Variants in CYB5D2 observed in about 807,000 individuals in gnomAD.
The protein encoded by CYB5D2 is neuferricin.
A neutral mutation model predicts 22.8 loss-of-function variants in CYB5D2; 23 were observed. The observed-to-expected ratio is 1.01, with a 90% confidence interval of 0.73 to 1.43. The LOEUF is 1.43. Among genes scored for constraint, CYB5D2 ranks in the 40% most tolerant of loss-of-function variants. The probability of loss-of-function intolerance (pLI) is 0.00; values close to 1 mark genes in which losing one functional copy is unlikely to be tolerated. For missense variants in CYB5D2, 373 were observed against 357.2 expected (o/e 1.04, Z -0.36); for synonymous variants, 170 against 152.2 (o/e 1.12, Z -0.86).
In CYB5D2 at chr17:4,157,004, T is replaced by C; in HGVS notation, c.717T>C (p.Arg239=). Reference sequence around the variant, plus strand: ...CGGACAACCCTCCACACAGAAATCGTGGGGACCTGGACCACCCAAACTTGG... The same window carrying C: ...CGGACAACCCTCCACACAGAAATCGCGGGGACCTGGACCACCCAAACTTGG... The part of the protein sequence containing the change: ...QMPDNPPHRN[R]GDLDHPNLAE... Residue 239 remains arginine (R), a synonymous_variant, in exon 4 of 4, where the codon CGT becomes CGC. Transcript: ENST00000301391. This position sits in a 1 kb window ranked among gnomAD's most constrained non-coding sequence, Gnocchi z 4.4. 1 of 1,612,796 alleles carries C rather than the reference T, an allele frequency of 6.2e-7. No homozygotes were observed. Among genetic ancestry groups the C allele is most frequent in the East Asian group, 2.2e-5 (1 of 44,862 alleles).
intron 2 of CYB5D2, among the ~76,000 whole-genome samples, chr17:4,150,304 A>G (rs1368433771): frequency 6.6e-6 from 1 of 152,146 alleles, no homozygotes; most frequent in African/African-American, 2.4e-5. Context: ...ACCATCCTTG[A>G]ACAACCAGCT....
At chr17:4,156,071 T>A (rs2059109862) in intron 3 of CYB5D2, among the ~76,000 whole-genome samples, 1 of 152,240 alleles carries the variant, frequency 6.6e-6, no homozygotes, top group Non-Finnish European at 1.5e-5. Flanking sequence ...GACAGCCTTG[T>A]TCTTGGTAAG....
At position 4,157,177 on chromosome 17, in the gene CYB5D2, G is replaced by T; in HGVS notation, c.*95G>T. The T allele has an allele frequency of 1.5e-6, 2 of 1,359,876 alleles. No individual in the cohort carries two copies. Among genetic ancestry groups the T allele is most frequent in the Non-Finnish European group, 2.0e-6 (2 of 982,922 alleles). 84.2% of individuals were successfully genotyped at this position (1,359,876 alleles called of 1,614,324 possible). ...TGTGCCCTGGGATGCCTCCTGGCGCGAATCAGGAGGGTCTGGAAGGACTCT... is the reference window on the plus strand; with the variant it reads ...TGTGCCCTGGGATGCCTCCTGGCGCTAATCAGGAGGGTCTGGAAGGACTCT... On this transcript the variant is annotated 3_prime_UTR_variant, in exon 4 of 4. Coordinates refer to ENST00000301391, the MANE Select transcript of CYB5D2 (RefSeq NM_144611.4). This position sits in a 1 kb window ranked among gnomAD's most constrained non-coding sequence, Gnocchi z 4.4.
intron 1 of CYB5D2, among the ~76,000 whole-genome samples, chr17:4,145,948 A>G (rs2058985871): frequency 6.6e-6 from 1 of 151,854 alleles, no homozygotes; most frequent in African/African-American, 2.4e-5. Flanking sequence ...ATAGGTGTGC[A>G]CCATCACGTG....
chr17:4,143,887 T>C lies in CYB5D2; in HGVS notation c.132T>C (p.Ser44=). 6.2e-7 allele frequency: 1 copy of C among 1,613,986 alleles called. No homozygotes were observed. The highest frequency in any genetic ancestry group is 8.5e-7 in the Non-Finnish European group (1 of 1,180,004). ...GCCTTTTCATACCGGAGGAGCTGTC[T>C]CGCTACCGCGGCGGCCCAGGGGACC... The part of the protein sequence containing the change: ...GFRLFIPEEL[S]RYRGGPGDPG... Residue 44 remains serine (S), a synonymous_variant, in exon 1 of 4, where the codon TCT becomes TCC. Coordinates refer to ENST00000301391, the MANE Select transcript of CYB5D2 (RefSeq NM_144611.4).
rs370012754 is a variant in CYB5D2 at position 4,149,920 on chromosome 17, G to C, written c.280G>C (p.Gly94Arg). ...AGACGCATCCAGAGCTTTCGTGACC[G>C]GGGACTGTTCTGAAGCAGGCCTCGT... is the stretch of plus-strand genomic sequence containing the variant. ...GRDASRAFVT[G>R]DCSEAGLVDD... The change falls in exon 2 of 4, where the codon GGG becomes CGG. Residue 94 changes from glycine to arginine, a missense_variant. By Grantham distance (125) the Gly-to-Arg change is moderately radical. Transcript: ENST00000301391. The C allele has an allele frequency of 7.4e-6, 12 of 1,614,020 alleles. No individual in the cohort carries two copies. The highest frequency in any genetic ancestry group is 5.0e-5 in the Admixed American group (3 of 59,982).
At chr17:4,147,729 T>C (rs1357090826) in intron 1 of CYB5D2, among the ~76,000 whole-genome samples, 2 of 152,216 alleles carry the variant, frequency 1.3e-5, no homozygotes. Context: ...GGCGCATGCC[T>C]GTAATCCCAG....
intron 2 of CYB5D2, among the ~76,000 whole-genome samples, chr17:4,151,655 C>G (rs762188897): frequency 1.4e-4 from 21 of 151,820 alleles, no homozygotes; most frequent in Admixed American, 5.9e-4. Flanking sequence ...CCACTACACT[C>G]CAGCCTGGGT....
At chr17:4,156,788 T>A in intron 3 of CYB5D2, 78 bp from the exon 4 acceptor site, 12 of 1,489,810 alleles carry the variant, frequency 8.1e-6, no homozygotes, top group Non-Finnish European at 1.1e-5. Flanking sequence ...AAGGCCTGGC[T>A]CTCTGCTTCC....
Position 4,143,604 on chromosome 17 carries a change from C to A in CYB5D2, c.-152C>A. On this transcript the variant is annotated 5_prime_UTR_variant, in exon 1 of 4. Transcript: ENST00000301391. ...GCCAGTGCCAGGAATACAGATAAAACGAGAGAGACTAAGGGAGGGAGCGCG... is the reference window on the plus strand; with the variant it reads ...GCCAGTGCCAGGAATACAGATAAAAAGAGAGAGACTAAGGGAGGGAGCGCG... 4 of 1,100,244 alleles carry A rather than the reference C, an allele frequency of 3.6e-6. No individual in the cohort carries two copies. Among genetic ancestry groups the A allele is most frequent in the South Asian group, 3.3e-5 (2 of 60,800 alleles). The allele number at this position is 1,100,244 out of a possible 1,614,324, so 68.2% of individuals were successfully genotyped here. A position where few individuals can be genotyped will look rare whatever the true frequency, so the allele number is the denominator to read the frequency against.
At chr17:4,152,683 A>G (rs998540090) in intron 2 of CYB5D2, among the ~76,000 whole-genome samples, 4 of 152,312 alleles carry the variant, frequency 2.6e-5, no homozygotes, top group African/African-American at 7.2e-5. Context: ...TGCCAGGCCA[A>G]CTCATAGACT....
rs199790826 is a variant in CYB5D2, at chr17:4,148,828, CA to C, written c.251-1054del. On this transcript the variant is annotated intron_variant, in intron 1 of 3. Transcript: ENST00000301391. ...GACGAGCAAAATTCCGTCTCATGCACAAAAAAAAAGAACTGCATTCCTGGAT... is the reference window on the plus strand; with the variant it reads ...GACGAGCAAAATTCCGTCTCATGCACAAAAAAAAGAACTGCATTCCTGGAT... Among the ~76,000 whole-genome samples the C allele has an allele frequency of 2.7e-5, 4 of 150,016 alleles. 1 individual carries two copies. The highest frequency in any genetic ancestry group is 3.9e-4 in the East Asian group (2 of 5,136).
chr17:4,148,694 C>T (rs745429008), intron 1 of CYB5D2, among the ~76,000 whole-genome samples: 2 of 147,968 alleles, frequency 1.4e-5, no homozygotes, highest in Non-Finnish European at 3.0e-5. Flanking sequence ...CATGTTGGTG[C>T]GCATCTGTAG....
rs1378529887 is a variant in CYB5D2, at chr17:4,143,775, G to T, written c.20G>T (p.Arg7Leu). 6.2e-7 allele frequency: 1 copy of T among 1,613,698 alleles called. No homozygotes were observed. The highest frequency in any genetic ancestry group is 1.3e-5 in the African/African-American group (1 of 74,932). Residue 7 changes from arginine to leucine, a missense_variant, in exon 1 of 4, where the codon CGT becomes CTT. Transcript: ENST00000301391. ...ATATAGATGTTGAGGTGCGGAGGCCGTGGGCTTTTGTTGGGCCTGGCTGTA... is the reference window on the plus strand; with the variant it reads ...ATATAGATGTTGAGGTGCGGAGGCCTTGGGCTTTTGTTGGGCCTGGCTGTA... MLRCGG[R>L]GLLLGLAVAA... is the part of the protein sequence containing the mutation.
In CYB5D2 at chr17:4,155,007, T is replaced by C. The variant is rs1040177210; in HGVS notation, c.578+147T>C. 21 of 902,690 alleles carry C rather than the reference T, an allele frequency of 2.3e-5. No homozygotes were observed. The South Asian group carries it at 3.1e-4, about 13-fold the overall frequency. 55.9% of individuals were successfully genotyped at this position (902,690 alleles called of 1,614,324 possible). ...ACTGATAATAATTCTCAACTTTGGCTGCATATTAGATCTTCTGGGGAATTG... is the reference window on the plus strand; with the variant it reads ...ACTGATAATAATTCTCAACTTTGGCCGCATATTAGATCTTCTGGGGAATTG... On this transcript the variant is annotated intron_variant, in intron 3 of 3. Transcript: ENST00000301391.
In CYB5D2 at chr17:4,154,859, A is replaced by C. The variant is rs201709521; in HGVS notation, c.577A>C (p.Ser193Arg). Residue 193 changes from serine (S) to arginine (R), a missense_variant and splice_region_variant, in exon 3 of 4, where the codon AGT becomes CGT. Ser to Arg is a moderately radical substitution (Grantham distance 110, BLOSUM62 -1). Coordinates refer to ENST00000301391, the MANE Select transcript of CYB5D2 (RefSeq NM_144611.4). ...RGSRLWCSQK[S>R]GGVSRDWIGV... ...CAGCCGGCTCTGGTGCTCCCAGAAG[A>C]GGTAAGCAGGCTCCCCTTCTTCTCC... is the stretch of plus-strand genomic sequence containing the variant. The C allele has an allele frequency of 3.1e-6, 5 of 1,609,094 alleles. No homozygotes were observed. The highest frequency in any genetic ancestry group is 4.2e-6 in the Non-Finnish European group (5 of 1,177,398).
Position 4,154,717 on chromosome 17 carries a change from C to G in CYB5D2, c.435C>G (p.Thr145=), listed in dbSNP as rs777958098. 13 of 1,614,202 alleles carry G rather than the reference C, an allele frequency of 8.1e-6. No individual in the cohort carries two copies. The highest frequency in any genetic ancestry group is 1.3e-5 in the African/African-American group (1 of 75,036). Residue 145 remains threonine, a synonymous_variant, in exon 3 of 4, where the codon ACC becomes ACG. Transcript: ENST00000301391. ...TCTACGGAGAGGATGGGCTGCCCAC[C>G]CCGGCACTGACCCAGGTAGAAGCTG... ...GRFYGEDGLP[T]PALTQVEAAI...
Position 4,153,867 on chromosome 17 carries a change from G to A in CYB5D2, c.392-807G>A, listed in dbSNP as rs112470799. On this transcript the variant is annotated intron_variant, in intron 2 of 3. Transcript: ENST00000301391. ...AAGTCAGGGAGGGCGTTGGACTTGG[G>A]AGACGAGCTGAATCTCAGATGCGCT... Among the ~76,000 whole-genome samples, 1,508 of 152,340 alleles carry A rather than the reference G, an allele frequency of 9.9e-3. 15 individuals carry two copies. The highest frequency in any genetic ancestry group is 0.016 in the Non-Finnish European group (1,056 of 68,016).
Position 4,143,807 on chromosome 17 carries a change from G to C in CYB5D2, c.52G>C (p.Ala18Pro). The stretch of plus-strand genomic sequence containing the variant: ...TTTGTTGGGCCTGGCTGTAGCCGCA[G>C]CAGCGGTAATGGCAGCACGGCTTAT... ...GLLLGLAVAA[A>P]AVMAARLMGW... Residue 18 changes from alanine (A) to proline (P), a missense_variant, in exon 1 of 4, where the codon GCA (alanine) becomes CCA (proline). By Grantham distance (27) the Ala-to-Pro change is conservative (BLOSUM62 -1). Coordinates refer to ENST00000301391, the MANE Select transcript of CYB5D2 (RefSeq NM_144611.4). The C allele has an allele frequency of 6.2e-7, 1 of 1,614,158 alleles. No homozygotes were observed.
Sources: gnomAD v4.1 joint callset for allele counts (sites outside exome capture counted in the v4.1 genomes callset) on GRCh38, gnomAD v4.1.1 for gene constraint, Gnocchi (gnomAD v3.1) non-coding constraint, MANE v1.5 for transcripts, NCBI Gene and HGNC (gene_info 2026-07-23, HGNC 2026-07-21) for gene names.